The following ACACB variants were observed in gnomAD, a reference collection of about 807,000 sequenced individuals.
ACACB encodes the protein acetyl-CoA carboxylase beta.
ACACB carries 209 observed loss-of-function variants against 278.8 expected under a neutral mutation model. That is an observed-to-expected ratio of 0.75 (90% CI 0.67 to 0.84). ACACB has a LOEUF of 0.84. ACACB is among the 40% of genes least tolerant of loss of function. ACACB has a pLI of 0.00. For missense variants in ACACB, 2,850 were observed against 3,269.0 expected (o/e 0.87, Z 3.13); for synonymous variants, 1,174 against 1,285.6 (o/e 0.91, Z 1.86).
At chr12:109,222,485 G>T in intron 24 of ACACB, 22 bp from the exon 25 acceptor site, 1 of 1,609,820 alleles carries the variant, frequency 6.2e-7, no homozygotes, top group South Asian at 1.1e-5. Context: ...AAGCCATTTG[G>T]CTTCTTTTTC....
At position 109,185,608 on chromosome 12, in the gene ACACB, G is replaced by A; in HGVS notation, c.1848G>A (p.Leu616=). Residue 616 remains leucine, a synonymous_variant, in exon 12 of 53, where the codon CTG becomes CTA. Transcript: ENST00000338432. The part of the protein sequence containing the change: ...QIAMGVPLHR[L]KDIRLLYGES... The stretch of plus-strand genomic sequence containing the variant: ...CCATGGGCGTGCCACTGCACCGGCT[G>A]AAGGATATCCGGCTTCTGTATGGAG... 1 of 1,614,014 alleles carries A rather than the reference G, an allele frequency of 6.2e-7. No individual in the cohort carries two copies. Among genetic ancestry groups the A allele is most frequent in the Non-Finnish European group, 8.5e-7 (1 of 1,179,988 alleles).
intron 20 of ACACB, among the ~76,000 whole-genome samples, chr12:109,207,713 C>T (rs552392155): frequency 6.6e-6 from 1 of 152,348 alleles, no homozygotes; most frequent in African/African-American, 2.4e-5. Flanking sequence ...GAGCCTTGCT[C>T]TGTCACCCAC....
intron 31 of ACACB, among the ~76,000 whole-genome samples, chr12:109,234,453 T>C (rs1215628860): frequency 1.3e-5 from 2 of 152,128 alleles, no homozygotes; most frequent in South Asian, 2.1e-4. Flanking sequence ...TGTGATGCCA[T>C]TGTATTTCAG....
intron 2 of ACACB, among the ~76,000 whole-genome samples, chr12:109,145,248 C>T (rs978955482): frequency 6.6e-6 from 1 of 152,080 alleles, no homozygotes; most frequent in African/African-American, 2.4e-5. Flanking sequence ...TTGGTTTGGT[C>T]TGTAGGGGCT....
intron 2 of ACACB, among the ~76,000 whole-genome samples, chr12:109,164,868 C>T (rs1247919683): frequency 6.6e-6 from 1 of 151,980 alleles, no homozygotes; most frequent in Non-Finnish European, 1.5e-5. Context: ...CAGGTGTGAG[C>T]CACCACGCCT....
intron 16 of ACACB, among the ~76,000 whole-genome samples, chr12:109,196,331 G>T (rs941117786): frequency 1.3e-5 from 2 of 152,142 alleles, no homozygotes; most frequent in African/African-American, 4.8e-5. Flanking sequence ...AGACTGAGTG[G>T]CTTCTAAACC....
rs57240851 is a variant in ACACB, at chr12:109,210,014, T to TAC, written c.3249+666_3249+667dup. Among the ~76,000 whole-genome samples, 9 of 94,844 alleles carry TAC rather than the reference T, an allele frequency of 9.5e-5. 2 individuals are homozygous for TAC. Among genetic ancestry groups the TAC allele is most frequent in the South Asian group, 6.1e-4 (2 of 3,274 alleles). The allele number at this position is 94,844 out of a possible 152,430, so 62.2% of individuals were successfully genotyped here. A position where few individuals can be genotyped will look rare whatever the true frequency, so the allele number is the denominator to read the frequency against. ...GTATATATGTGTATATGTGTATATA[T>TAC]ACACACGTGTGTATATATGTGTATA... On this transcript the variant is annotated intron_variant, in intron 21 of 52. Coordinates refer to ENST00000338432, the MANE Select transcript of ACACB (RefSeq NM_001093.4).
chr12:109,166,355 C>T (rs2043893254), intron 2 of ACACB, among the ~76,000 whole-genome samples: 1 of 152,036 alleles, frequency 6.6e-6, no homozygotes, highest in Non-Finnish European at 1.5e-5. Flanking sequence ...GAAGAAACTG[C>T]TCCTTCTAGT....
At chr12:109,174,587 A>C (rs1295599447) in intron 7 of ACACB, among the ~76,000 whole-genome samples, 1 of 150,750 alleles carries the variant, frequency 6.6e-6, no homozygotes, top group Non-Finnish European at 1.5e-5. Context: ...CCAGTGGCTC[A>C]TGTCTGTAAC....
chr12:109,210,294 T>G (rs1261052975), intron 21 of ACACB, among the ~76,000 whole-genome samples: 1 of 81,464 alleles, frequency 1.2e-5, no homozygotes, highest in African/African-American at 4.7e-5. Flanking sequence ...TATCTGTGTG[T>G]ATATGTATAT....
rs763980470 is a variant in ACACB at position 109,225,115 on chromosome 12, T to G, written c.3882+1211T>G. Among the ~76,000 whole-genome samples the G allele has an allele frequency of 2.6e-5, 4 of 152,200 alleles. No individual in the cohort carries two copies. The South Asian group carries it at 6.2e-4, about 24-fold the overall frequency. On this transcript the variant is annotated intron_variant, in intron 27 of 52. Coordinates refer to ENST00000338432, the MANE Select transcript of ACACB (RefSeq NM_001093.4). ...TCTTTCTCAGGCCTCACTCTTTGTT[T>G]CTAACAGGGAGACCTAATACACCTC...
chr12:109,234,288 T>G (rs2046568711), intron 31 of ACACB, among the ~76,000 whole-genome samples: 2 of 152,188 alleles, frequency 1.3e-5, no homozygotes, highest in African/African-American at 4.8e-5. Context: ...TATACACGGC[T>G]TAGCCAGTCC....
intron 1 of ACACB, among the ~76,000 whole-genome samples, chr12:109,124,771 G>T (rs1213170070): frequency 1.3e-5 from 2 of 152,198 alleles, no homozygotes. Flanking sequence ...CTAGAGTGCA[G>T]TGGCACAATC....
Position 109,127,605 on chromosome 12 carries a change from A to G in ACACB, c.-10+10901A>G, listed in dbSNP as rs559488697. On this transcript the variant is annotated intron_variant, in intron 1 of 52. Transcript: ENST00000338432. Reference sequence around the variant, plus strand: ...TAGATCCAGAATTCGCCTAAAAAAAAAAAAAGAATAAAGTTCTTAGTATTT... The same window carrying G: ...TAGATCCAGAATTCGCCTAAAAAAAGAAAAAGAATAAAGTTCTTAGTATTT... 1.8e-3 allele frequency among the ~76,000 whole-genome samples: 279 copies of G among 152,166 alleles called. 3 individuals are homozygous for G. The highest frequency in any genetic ancestry group is 6.3e-3 in the African/African-American group (262 of 41,498).
At position 109,247,674 on chromosome 12, in the gene ACACB, T is replaced by C. The variant is rs534560643; in HGVS notation, c.5640T>C (p.Cys1880=). Residue 1880 remains cysteine (C), a synonymous_variant, in exon 40 of 53, where the codon TGT becomes TGC. Coordinates refer to ENST00000338432, the MANE Select transcript of ACACB (RefSeq NM_001093.4). ...TRISSLNSVH[C]KHIEEGGESR... is the part of the protein sequence containing the mutation. Reference sequence around the variant, plus strand: ...TCAGCTCCCTGAACTCCGTCCACTGTAAACACATCGAGGAAGGAGGAGAGT... The same window carrying C: ...TCAGCTCCCTGAACTCCGTCCACTGCAAACACATCGAGGAAGGAGGAGAGT... The C allele has an allele frequency of 6.2e-7, 1 of 1,613,918 alleles. No homozygotes were observed. Among genetic ancestry groups the C allele is most frequent in the African/African-American group, 1.3e-5 (1 of 75,064 alleles).
chr12:109,258,449 C>G (rs1386124262), intron 46 of ACACB, 85 bp downstream of exon 46: 4 of 1,125,408 alleles, frequency 3.6e-6, no homozygotes, highest in East Asian at 2.5e-5. Context: ...CCATCCCTGC[C>G]CTGCCAACTT....
At chr12:109,147,536 C>A (rs1287953232) in intron 2 of ACACB, among the ~76,000 whole-genome samples, 11 of 151,848 alleles carry the variant, frequency 7.2e-5, no homozygotes. Flanking sequence ...TGAACCTCCA[C>A]AACCGGCTCC....
intron 41 of ACACB, among the ~76,000 whole-genome samples, chr12:109,251,267 A>C (rs2047087263): frequency 1.3e-5 from 2 of 152,152 alleles, no homozygotes; most frequent in Admixed American, 6.5e-5. Flanking sequence ...TTAATTTTAG[A>C]GAGACACTTT....
At chr12:109,250,683 CAGTGGTGGTAGT>C (rs1319250732) in intron 41 of ACACB, among the ~76,000 whole-genome samples, 1 of 151,866 alleles carries the variant, frequency 6.6e-6, no homozygotes, top group Admixed American at 6.6e-5. Flanking sequence ...CTAGTACTAG[CAGTGGTGGTAGT>C]AGTGGTGGTG....
Sources: allele counts gnomAD v4.1 joint callset (sites outside exome capture counted in the v4.1 genomes callset), GRCh38; gene constraint gnomAD v4.1.1; transcripts MANE v1.5; gene names NCBI Gene and HGNC (gene_info 2026-07-23, HGNC 2026-07-21).